Variants in CCDC3 observed in about 807,000 individuals in gnomAD.
The protein encoded by CCDC3 is coiled-coil domain containing 3, also known as coiled-coil domain-containing protein 3.
Under a neutral mutation model 21.4 loss-of-function variants are expected in CCDC3, and 24 were observed. The observed-to-expected ratio is 1.12, with a 90% CI of 0.81 to 1.58. The LOEUF is 1.58. Among genes scored for constraint, CCDC3 ranks in the 40% most tolerant of loss-of-function variants. The pLI, the probability that CCDC3 is intolerant of heterozygous loss-of-function variation, is 0.00. For missense variants in CCDC3, 425 were observed against 360.9 expected, an observed-to-expected ratio of 1.18 and a Z score of -1.44; for synonymous variants, 186 against 166.0, an observed-to-expected ratio of 1.12 and a Z score of -0.93.
intron 2 of CCDC3, among the ~76,000 whole-genome samples, chr10:12,948,608 A>G (rs1014150197): frequency 6.6e-6 from 1 of 152,090 alleles, no homozygotes; most frequent in African/African-American, 2.4e-5. Context: ...AGTCATTGTC[A>G]AATAGAGTTT....
At chr10:13,079,991 A>G (rs1301541504) in intron 3 of CCDC3, among the ~76,000 whole-genome samples, 2 of 152,256 alleles carry the variant, frequency 1.3e-5, no homozygotes, top group Admixed American at 1.3e-4. Flanking sequence ...AAGGTCAAAG[A>G]AAGTGCTATA....
At chr10:13,047,921 T>G (rs1346383672) in intron 5 of CCDC3, among the ~76,000 whole-genome samples, 1 of 151,970 alleles carries the variant, frequency 6.6e-6, no homozygotes, top group African/African-American at 2.4e-5. Context: ...CCAAAGACGA[T>G]TTTGAGGGCT....
intron 2 of CCDC3, among the ~76,000 whole-genome samples, chr10:12,914,453 T>C (rs558323518): frequency 6.6e-6 from 1 of 152,266 alleles, no homozygotes; most frequent in South Asian, 2.1e-4. Context: ...TTATCTTTTG[T>C]TTTTTCTTTT....
At chr10:12,975,320 A>T (rs2131267612) in intron 2 of CCDC3, among the ~76,000 whole-genome samples, 1 of 152,236 alleles carries the variant, frequency 6.6e-6, no homozygotes, top group Admixed American at 6.5e-5. Flanking sequence ...CCTCCCATGG[A>T]AACAAACCAA....
At chr10:12,974,243 T>C (rs1835382461) in intron 2 of CCDC3, among the ~76,000 whole-genome samples, 1 of 152,218 alleles carries the variant, frequency 6.6e-6, no homozygotes, top group South Asian at 2.1e-4. Context: ...CAGAGCCAGA[T>C]GTGCGAACTT....
intron 2 of CCDC3, among the ~76,000 whole-genome samples, chr10:12,972,882 G>T (rs1835363326): frequency 6.6e-6 from 1 of 152,300 alleles, no homozygotes; most frequent in African/African-American, 2.4e-5. Flanking sequence ...TTCTCATTCA[G>T]GAGAACTGCA....
intron 2 of CCDC3, among the ~76,000 whole-genome samples, chr10:12,921,313 T>G (rs1834446707): frequency 6.6e-6 from 1 of 152,214 alleles, no homozygotes; most frequent in Admixed American, 6.5e-5. Context: ...ACTTGTAAAC[T>G]TTATACATCC....
At chr10:13,011,446 A>T (rs1388051549) in intron 5 of CCDC3, among the ~76,000 whole-genome samples, 1 of 152,212 alleles carries the variant, frequency 6.6e-6, no homozygotes, top group Non-Finnish European at 1.5e-5. Flanking sequence ...AATTGCTACA[A>T]AAAGAATACA....
intron 2 of CCDC3, among the ~76,000 whole-genome samples, chr10:12,931,544 G>A (rs532923174): frequency 1.2e-4 from 18 of 152,332 alleles, no homozygotes; most frequent in African/African-American, 4.1e-4. Context: ...CTCCTCTGTT[G>A]TAGAAGCATT....
rs573561090 is a variant in CCDC3, at chr10:12,913,887, A to G, written c.550-15208T>C. ...TCCATTAATGTGATGTATCTCATTT[A>G]TAGATTAGTGTATGTTGAACCATGC... On this transcript the variant is annotated intron_variant, in intron 2 of 2. Transcript: ENST00000378825. Among the ~76,000 whole-genome samples, 5 of 152,328 alleles carry G rather than the reference A, an allele frequency of 3.3e-5. No individual in the cohort carries two copies. The South Asian group carries it at 8.3e-4, about 25-fold the overall frequency.
At chr10:12,995,061 TAC>T (rs1415693828) in intron 2 of CCDC3, among the ~76,000 whole-genome samples, 4 of 145,276 alleles carry the variant, frequency 2.8e-5, no homozygotes, top group Admixed American at 1.4e-4. Flanking sequence ...TAGCCTGGTC[TAC>T]AGAGTGAGAC....
At chr10:13,088,548 G>C (rs1489578856) in intron 3 of CCDC3, among the ~76,000 whole-genome samples, 1 of 152,252 alleles carries the variant, frequency 6.6e-6, no homozygotes, top group East Asian at 1.9e-4. Flanking sequence ...GAGAACTAGA[G>C]ATGAAAACTA....
Position 13,001,627 on chromosome 10 carries a change from C to A in CCDC3, c.-57G>T, listed in dbSNP as rs1281951167. ...GCGGGGAGCCCGGGGAGCCCGCCGG[C>A]CCGGGAAGGGCAGCCCTGGGCGCTC... On this transcript the variant is annotated 5_prime_UTR_variant, in exon 1 of 3. Coordinates refer to ENST00000378825, the MANE Select transcript of CCDC3 (RefSeq NM_031455.4). 2 of 1,070,506 alleles carry A rather than the reference C, an allele frequency of 1.9e-6. No individual in the cohort carries two copies. Among genetic ancestry groups the A allele is most frequent in the African/African-American group, 1.7e-5 (1 of 59,266 alleles). The allele number at this position is 1,070,506 out of a possible 1,614,324, so 66.3% of individuals were successfully genotyped here.
chr10:12,999,566 G>T (rs1202138437), intron 1 of CCDC3, among the ~76,000 whole-genome samples: 4 of 152,162 alleles, frequency 2.6e-5, no homozygotes, highest in Non-Finnish European at 5.9e-5. Context: ...GGAATGATTT[G>T]TGTGTAGTTG....
At chr10:12,947,889 C>G (rs1834941197) in intron 2 of CCDC3, among the ~76,000 whole-genome samples, 1 of 152,232 alleles carries the variant, frequency 6.6e-6, no homozygotes. Flanking sequence ...AGCATTGTCC[C>G]TCAGCTCATA....
chr10:12,988,149 T>G (rs1365044917), intron 2 of CCDC3, among the ~76,000 whole-genome samples: 2 of 152,200 alleles, frequency 1.3e-5, no homozygotes, highest in East Asian at 3.8e-4. Flanking sequence ...GCTTGTTCCA[T>G]TCTCTCCCCA....
chr10:13,091,013 A>C (rs1190928108), intron 3 of CCDC3, among the ~76,000 whole-genome samples: 1 of 152,178 alleles, frequency 6.6e-6, no homozygotes, highest in Non-Finnish European at 1.5e-5. Context: ...GGGCCGAAGA[A>C]CTTGGAGTCT....
At chr10:12,956,576 G>C (rs893622898) in intron 2 of CCDC3, among the ~76,000 whole-genome samples, 2 of 152,210 alleles carry the variant, frequency 1.3e-5, no homozygotes, top group East Asian at 1.9e-4. Context: ...TAGGGAAACT[G>C]CATTTCTTTT....
intron 2 of CCDC3, among the ~76,000 whole-genome samples, chr10:12,911,715 A>G (rs1834273793): frequency 6.6e-6 from 1 of 152,224 alleles, no homozygotes; most frequent in Non-Finnish European, 1.5e-5. Context: ...CATACATTGT[A>G]TTGTTATTAA....
Sources: gnomAD v4.1 joint callset for allele counts (sites outside exome capture counted in the v4.1 genomes callset) on GRCh38, gnomAD v4.1.1 for gene constraint, MANE v1.5 for transcripts, NCBI Gene and HGNC (gene_info 2026-07-23, HGNC 2026-07-21) for gene names.